The following RASGRP3 variants were observed in gnomAD, a reference collection of about 807,000 sequenced individuals.
RASGRP3 encodes the protein RAS guanyl releasing protein 3.
Under a neutral mutation model 82.7 loss-of-function variants are expected in RASGRP3, and 54 were observed. The ratio of observed to expected loss-of-function variants is 0.65; its 90% CI spans 0.52 to 0.82. The LOEUF is 0.82. Among genes scored for constraint, RASGRP3 ranks in the 40% least tolerant of loss-of-function variants. The pLI is 0.00. For missense variants in RASGRP3, 861 were observed against 828.9 expected (o/e 1.04, Z -0.48); for synonymous variants, 309 against 300.5 (o/e 1.03, Z -0.29).
intron 2 of RASGRP3, among the ~76,000 whole-genome samples, chr2:33,460,664 G>A (rs1666311033): frequency 6.6e-6 from 1 of 151,876 alleles, no homozygotes; most frequent in Admixed American, 6.6e-5. Flanking sequence ...ACAGGCACAA[G>A]CCGCCATGCC....
Position 33,562,757 on chromosome 2 carries a change from A to G in RASGRP3, c.*20A>G. On this transcript the variant is annotated 3_prime_UTR_variant, in exon 18 of 18. Transcript: ENST00000403687. The stretch of plus-strand genomic sequence containing the variant: ...GGCTGACTTCAGGCTGCGGAAACTG[A>G]AGGCAATAATGTTGGCTTTTGGAAG... The G allele has an allele frequency of 1.2e-6, 2 of 1,612,932 alleles. No homozygotes were observed. The highest frequency in any genetic ancestry group is 1.7e-5 in the Admixed American group (1 of 60,014).
chr2:33,554,424 C>G (rs1482432418), intron 14 of RASGRP3, among the ~76,000 whole-genome samples: 1 of 152,166 alleles, frequency 6.6e-6, no homozygotes, highest in Non-Finnish European at 1.5e-5. Context: ...TCTGGTGAAT[C>G]TGTCACCCCA....
intron 10 of RASGRP3, among the ~76,000 whole-genome samples, chr2:33,529,768 A>G (rs567878437): frequency 6.6e-6 from 1 of 152,082 alleles, no homozygotes; most frequent in East Asian, 1.9e-4. Context: ...TTTTTAAACA[A>G]GGGTTTTATG....
At chr2:33,518,294 A>G (rs772045868) in intron 4 of RASGRP3, among the ~76,000 whole-genome samples, 7 of 152,198 alleles carry the variant, frequency 4.6e-5, no homozygotes, top group Non-Finnish European at 1.0e-4. Context: ...ACTGTAACAC[A>G]ATGGTGGGTA....
At chr2:33,500,023 G>A (rs1181079331) in intron 1 of RASGRP3, among the ~76,000 whole-genome samples, 1 of 152,190 alleles carries the variant, frequency 6.6e-6, no homozygotes, top group Non-Finnish European at 1.5e-5. Context: ...ACCTGGAAGG[G>A]TGAGGAAGGA....
intron 2 of RASGRP3, among the ~76,000 whole-genome samples, chr2:33,467,990 TTCTTTCTTTCTTTC>T (rs1315505931): frequency 2.2e-5 from 1 of 46,416 alleles, no homozygotes; most frequent in Non-Finnish European, 4.1e-5. Flanking sequence ...TTTTCTTTCT[TTCTTTCTTTCTTTC>T]TTTCTTTCTT....
At chr2:33,446,678 G>C (rs911651341) in intron 1 of RASGRP3, among the ~76,000 whole-genome samples, 2 of 152,078 alleles carry the variant, frequency 1.3e-5, no homozygotes, top group Admixed American at 6.6e-5. Flanking sequence ...CTCAAGAAAT[G>C]ATCCTCAACA....
chr2:33,562,848 T>A lies in RASGRP3; in HGVS notation c.*111T>A. 7.2e-7 allele frequency: 1 copy of A among 1,398,066 alleles called. No homozygotes were observed. Among genetic ancestry groups the A allele is most frequent in the Non-Finnish European group, 1.0e-6 (1 of 997,924 alleles). The allele number at this position is 1,398,066 out of a possible 1,614,324, so 86.6% of individuals were successfully genotyped here. A position where few individuals can be genotyped will look rare whatever the true frequency, so the allele number is the denominator to read the frequency against. ...GAAGTTATCTGGAAAGATACCTGGA[T>A]GTTTACTGCCTTGGGACACTGTGGG... On this transcript the variant is annotated 3_prime_UTR_variant, in exon 18 of 18. Coordinates refer to ENST00000403687, the MANE Select transcript of RASGRP3 (RefSeq NM_001139488.2).
At chr2:33,547,261 G>A (rs1287671361) in intron 13 of RASGRP3, among the ~76,000 whole-genome samples, 1 of 150,432 alleles carries the variant, frequency 6.6e-6, no homozygotes, top group South Asian at 2.1e-4. Flanking sequence ...CCTTGATGGC[G>A]GACGTTTGGA....
chr2:33,515,789 G>A (rs372576293), intron 3 of RASGRP3, among the ~76,000 whole-genome samples: 1 of 152,024 alleles, frequency 6.6e-6, no homozygotes, highest in East Asian at 1.9e-4. Flanking sequence ...TGGGTTATCC[G>A]TTGCACAAAG....
intron 1 of RASGRP3, among the ~76,000 whole-genome samples, chr2:33,439,249 A>G (rs190376667): frequency 1.5e-4 from 23 of 152,360 alleles, no homozygotes; most frequent in Non-Finnish European, 3.1e-4. Flanking sequence ...TATACAGGAC[A>G]CAAAGCATCC....
chr2:33,527,051 G>A, intron 9 of RASGRP3, 86 bp from the exon 10 acceptor site: 1 of 1,387,492 alleles, frequency 7.2e-7, no homozygotes, highest in South Asian at 1.4e-5. Context: ...CAGTAGCTGA[G>A]GAATTTCCTA....
At chr2:33,471,897 ATT>A (rs56153758), upstream of RASGRP3, among the ~76,000 whole-genome samples, 117,708 of 151,430 alleles carry the variant, frequency 0.78, 46,173 homozygotes, top group South Asian at 0.88. Context: ...CCAATCAATG[ATT>A]TTTTTTTTTA....
intron 1 of RASGRP3, among the ~76,000 whole-genome samples, chr2:33,483,998 A>T (rs1668155546): frequency 6.6e-6 from 1 of 152,160 alleles, no homozygotes; most frequent in South Asian, 2.1e-4. Flanking sequence ...CTGTGATGGA[A>T]TCAGACTCCA....
rs746934268 is a variant in RASGRP3 at position 33,524,558 on chromosome 2, A to C, written c.807+10A>C. On this transcript the variant is annotated intron_variant, in intron 9 of 17. Transcript: ENST00000403687. ...TTCAGAAGTTACAAAGGTATAGTAG[A>C]CTTGATCCTAATCAAAAGTAAAAAA... 1 of 1,538,764 alleles carries C rather than the reference A, an allele frequency of 6.5e-7. No individual in the cohort carries two copies. The highest frequency in any genetic ancestry group is 1.2e-5 in the South Asian group (1 of 82,628).
intron 1 of RASGRP3, among the ~76,000 whole-genome samples, chr2:33,478,556 C>A (rs1363963645): frequency 1.3e-5 from 2 of 152,168 alleles, no homozygotes. Context: ...TATCCAACTG[C>A]TGTATTTTTG....
Position 33,537,512 on chromosome 2 carries a change from C to T in RASGRP3, c.1162-1582C>T, listed in dbSNP as rs1352074630. On this transcript the variant is annotated intron_variant, in intron 11 of 17. Coordinates refer to ENST00000403687, the MANE Select transcript of RASGRP3 (RefSeq NM_001139488.2). ...TAGCTTGGACTACAGGCATGTGCCACCACATCCGGCTAATTTTTTTCTATT... is the reference window on the plus strand; with the variant it reads ...TAGCTTGGACTACAGGCATGTGCCATCACATCCGGCTAATTTTTTTCTATT... 3.9e-5 allele frequency among the ~76,000 whole-genome samples: 6 copies of T among 151,954 alleles called. No individual in the cohort carries two copies. In the East Asian group the frequency reaches 9.7e-4, roughly 24 times the overall value.
intron 7 of RASGRP3, among the ~76,000 whole-genome samples, chr2:33,522,741 C>G (rs189914660): frequency 2.6e-4 from 40 of 152,332 alleles, no homozygotes; most frequent in Admixed American, 4.6e-4. Flanking sequence ...TTTGCTTTGT[C>G]TCGCCAAGCT....
At chr2:33,503,202 T>A (rs757583954) in intron 1 of RASGRP3, among the ~76,000 whole-genome samples, 85 of 152,230 alleles carry the variant, frequency 5.6e-4, no homozygotes, top group Non-Finnish European at 1.0e-3. Context: ...TCTTAAAACA[T>A]TTTTGAAATG....
Sources: gnomAD v4.1 joint callset for allele counts (sites outside exome capture counted in the v4.1 genomes callset) on GRCh38, gnomAD v4.1.1 for gene constraint, MANE v1.5 for transcripts, NCBI Gene and HGNC (gene_info 2026-07-23, HGNC 2026-07-21) for gene names.